The following ITGA7 variants were observed in gnomAD, a reference collection of about 807,000 sequenced individuals.
ITGA7 encodes the protein integrin alpha-7.
Under a neutral mutation model 131.6 loss-of-function variants are expected in ITGA7, and 84 were observed. The observed-to-expected ratio is 0.64, with a 90% CI of 0.54 to 0.77. ITGA7 has a LOEUF of 0.77. Among genes scored for constraint, ITGA7 ranks in the 30% least tolerant of loss-of-function variants. The pLI is 0.00. For missense variants in ITGA7, 1,399 were observed against 1,482.9 expected (o/e 0.94, Z 0.93); for synonymous variants, 548 against 600.7 (o/e 0.91, Z 1.28).
Position 55,688,278 on chromosome 12 carries a change from A to G in ITGA7, c.2981T>C (p.Leu994Pro). 1.2e-6 allele frequency: 2 copies of G among 1,614,062 alleles called. No individual in the cohort carries two copies. The highest frequency in any genetic ancestry group is 1.7e-6 in the Non-Finnish European group (2 of 1,179,928). ...FLEEYSAVKSLEVIVRANITV... is the reference protein window; with the variant it reads ...FLEEYSAVKSPEVIVRANITV... ...GATGTTGGCCCGGACAATCACTTCC[A>G]GGGACTTCACAGCTGAGTACTCCTA... The change falls in exon 23 of 25, where the codon CTG (leucine) becomes CCG (proline). Residue 994 changes from leucine to proline, a missense_variant. Transcript: ENST00000257879.
Position 55,698,839 on chromosome 12 carries a change from T to C in ITGA7, c.869A>G (p.His290Arg). 1 of 1,613,830 alleles carries C rather than the reference T, an allele frequency of 6.2e-7. No individual in the cohort carries two copies. Among genetic ancestry groups the C allele is most frequent in the South Asian group, 1.1e-5 (1 of 91,082 alleles). The change falls in exon 6 of 25, where the codon CAC becomes CGC. Residue 290 changes from histidine to arginine, a missense_variant. Physicochemically the swap from His to Arg is conservative, Grantham distance 29 (BLOSUM62 0). Transcript: ENST00000257879. ...GCGCAGGATGACCACAGCACCCTTG[T>C]GGTTGGCGCGGGGGGCTCCAGCCAC... ...SFVAGAPRAN[H>R]KGAVVILRKD...
At position 55,694,304 on chromosome 12, in the gene ITGA7, A is replaced by G. The variant is rs1452090316; in HGVS notation, c.2384T>C (p.Val795Ala). 21 of 1,613,988 alleles carry G rather than the reference A, an allele frequency of 1.3e-5. No homozygotes were observed. Among genetic ancestry groups the G allele is most frequent in the Non-Finnish European group, 1.8e-5 (21 of 1,180,038 alleles). ...AATGAAGACACGGGCTCGTGCAGAG[A>G]CTGGATGCAGCTCCTGCTCACTGAT... ...ATISEQELHP[V>A]SARARVFIEL... Residue 795 changes from valine to alanine, a missense_variant, in exon 18 of 25, where the codon GTC (valine) becomes GCC (alanine). Coordinates refer to ENST00000257879, the MANE Select transcript of ITGA7 (RefSeq NM_002206.3). This position sits in a 1 kb window ranked among gnomAD's most constrained non-coding sequence, Gnocchi z 5.3.
chr12:55,695,011 T>C (rs768901620), intron 14 of ITGA7, 41 bp from the exon 15 acceptor site: 3 of 1,581,940 alleles, frequency 1.9e-6, no homozygotes, highest in African/African-American at 1.4e-5. Flanking sequence ...TCTGAACACC[T>C]CCCCCTACCA....
Position 55,697,310 on chromosome 12 carries a change from G to A in ITGA7, c.1506-33C>T, listed in dbSNP as rs770183616. 2.9e-5 allele frequency: 46 copies of A among 1,585,630 alleles called. No homozygotes were observed. The South Asian group carries it at 3.9e-4, about 13-fold the overall frequency. The stretch of plus-strand genomic sequence containing the variant: ...GGCAAAGGTGGCTCCTGAGCCAAAC[G>A]AGGCTGATGGGCCAAGGCCCCTACC... On this transcript the variant is annotated intron_variant, in intron 10 of 24. Coordinates refer to ENST00000257879, the MANE Select transcript of ITGA7 (RefSeq NM_002206.3).
At chr12:55,686,043 A>T (rs1450742019) in intron 24 of ITGA7, among the ~76,000 whole-genome samples, 1 of 152,080 alleles carries the variant, frequency 6.6e-6, no homozygotes, top group East Asian at 1.9e-4. Flanking sequence ...TTACCCTTAT[A>T]TCTGCACCCT....
At chr12:55,695,462 T>C (rs972528123) in intron 14 of ITGA7, 60 bp downstream of exon 14, 3 of 1,152,192 alleles carry the variant, frequency 2.6e-6, no homozygotes, top group Admixed American at 1.7e-5. Context: ...CTGAGAGGGC[T>C]TTCTCTCAAT....
At chr12:55,687,151 G>T (rs1234620009) in intron 24 of ITGA7, among the ~76,000 whole-genome samples, 1 of 148,100 alleles carries the variant, frequency 6.8e-6, no homozygotes, top group Non-Finnish European at 1.5e-5. Flanking sequence ...CCCTGAGAAC[G>T]AGATCTGCAT....
In ITGA7 at chr12:55,698,469, G is replaced by T. The variant is rs780571799; in HGVS notation, c.1106C>A (p.Ser369Tyr). The change falls in exon 7 of 25, where the codon TCC becomes TAC. Residue 369 changes from serine to tyrosine, a missense_variant. By Grantham distance (144) the Ser-to-Tyr change is moderately radical. Transcript: ENST00000257879. The stretch of plus-strand genomic sequence containing the variant: ...AGGGGAGCCGCAGAGCCGGAGAGGG[G>T]AGATCCCAGCCCAGTGACCCCCCTG... Reference protein sequence around the residue: ...LNQGGHWAGISPLRLCGSPDS... With the variant: ...LNQGGHWAGIYPLRLCGSPDS... 12 of 1,613,794 alleles carry T rather than the reference G, an allele frequency of 7.4e-6. No individual in the cohort carries two copies. In the South Asian group the frequency reaches 9.9e-5, roughly 13 times the overall value.
Position 55,701,076 on chromosome 12 carries a change from C to G in ITGA7, c.493G>C (p.Val165Leu). ...CGGATGGCCAGGTCCTGGCTGAGCA[C>G]AAAGCAGCGACCAATCATATCCCGC... ...ETRDMIGRCF[V>L]LSQDLAIRDE... The change falls in exon 4 of 25, where the codon GTG becomes CTG. Residue 165 changes from valine (V) to leucine (L), a missense_variant. Transcript: ENST00000257879. 1 of 1,614,220 alleles carries G rather than the reference C, an allele frequency of 6.2e-7. No individual in the cohort carries two copies.
At chr12:55,712,203 T>C (rs1333582195), upstream of ITGA7, 6 of 1,551,410 alleles carry the variant, frequency 3.9e-6, no homozygotes, top group East Asian at 4.9e-5. Flanking sequence ...GCTCCGGTCT[T>C]TGACGATCCA....
At position 55,685,301 on chromosome 12, in the gene ITGA7, C is replaced by A. The variant is rs749627679; in HGVS notation, c.3184-13G>T. On this transcript the variant is annotated splice_polypyrimidine_tract_variant and intron_variant, in intron 24 of 24. Coordinates refer to ENST00000257879, the MANE Select transcript of ITGA7 (RefSeq NM_002206.3). ...TGAAGAATCCCATCTATAAGGACAC[C>A]AGGCCAGACCATGAGGAGCCTGAAG... The A allele has an allele frequency of 6.2e-7, 1 of 1,612,458 alleles. No homozygotes were observed. Among genetic ancestry groups the A allele is most frequent in the Non-Finnish European group, 8.5e-7 (1 of 1,179,048 alleles).
intron 7 of ITGA7, 164 bp from the exon 8 acceptor site, chr12:55,698,190 C>T: frequency 1.2e-6 from 1 of 836,102 alleles, no homozygotes; most frequent in South Asian, 1.6e-5. Flanking sequence ...TGGCCACTCC[C>T]TGCAGATATT....
chr12:55,697,395 C>T (rs1438638078), intron 10 of ITGA7, 56 bp downstream of exon 10: 19 of 1,592,852 alleles, frequency 1.2e-5, no homozygotes, highest in Non-Finnish European at 1.5e-5. Context: ...GATAAAGGAT[C>T]AAAGGGAGGG....
chr12:55,695,494 C>T, intron 14 of ITGA7, 28 bp downstream of exon 14: 1 of 1,187,532 alleles, frequency 8.4e-7, no homozygotes, highest in Non-Finnish European at 1.3e-6. Flanking sequence ...TGCCCTCCCA[C>T]CCCCACCCTG....
rs372826359 is a variant in ITGA7, at chr12:55,700,359, T to C, written c.671-370A>G. ...CGTCGTCCAGGTGTGCCAGGTCCGC[T>C]GAGCCCTGTGCACAGAGCTCCACCC... On this transcript the variant is annotated intron_variant, in intron 4 of 24. Transcript: ENST00000257879. The C allele has an allele frequency of 5.6e-6, 9 of 1,610,250 alleles. No individual in the cohort carries two copies. The African/African-American group carries it at 1.2e-4, about 22-fold the overall frequency.
chr12:55,698,047 G>A (rs1482898526), intron 7 of ITGA7, 21 bp from the exon 8 acceptor site: 1 of 1,610,762 alleles, frequency 6.2e-7, no homozygotes. Flanking sequence ...CAGGGAAAAG[G>A]CAGTCACGCT....
upstream of ITGA7, among the ~76,000 whole-genome samples, chr12:55,715,400 G>C (rs1876440213): frequency 6.6e-6 from 1 of 151,920 alleles, no homozygotes. Context: ...AATTGTTCTC[G>C]CTGGAGTTAA....
intron 7 of ITGA7, 61 bp downstream of exon 7, chr12:55,698,322 G>A: frequency 1.4e-6 from 2 of 1,461,918 alleles, no homozygotes; most frequent in Non-Finnish European, 1.8e-6. Flanking sequence ...GACCTCTGAG[G>A]GGCTTCCCCA....
intron 7 of ITGA7, 36 bp downstream of exon 7, chr12:55,698,347 C>T (rs1279722359): frequency 6.4e-7 from 1 of 1,560,682 alleles, no homozygotes; most frequent in South Asian, 1.2e-5. Context: ...TCCTGTGGCC[C>T]CTCCCTCCCT....
Sources: allele counts gnomAD v4.1 joint callset (sites outside exome capture counted in the v4.1 genomes callset), GRCh38; gene constraint gnomAD v4.1.1; non-coding constraint Gnocchi (gnomAD v3.1); transcripts MANE v1.5; gene names NCBI Gene and HGNC (gene_info 2026-07-23, HGNC 2026-07-21).